The following ATM variants were observed in gnomAD, a reference collection of about 807,000 sequenced individuals.
The protein encoded by ATM is serine-protein kinase ATM.
Under a neutral mutation model 387.0 loss-of-function variants are expected in ATM, and 308 were observed. That is an observed-to-expected ratio of 0.80 (90% CI 0.73 to 0.87). The LOEUF (loss-of-function observed/expected upper bound fraction) is 0.87. Ranked by LOEUF, ATM falls within the 40% of genes least tolerant of loss-of-function variation. ATM has a pLI of 0.00. For synonymous variants in ATM, 1,156 were observed against 1,187.3 expected (o/e 0.97, Z 0.54); for missense variants, 3,312 against 3,560.9 (o/e 0.93, Z 1.78).
rs1227866298 is a variant in ATM, at chr11:108,257,567, G to C, written c.2337G>C (p.Met779Ile). Residue 779 changes from methionine to isoleucine, a missense_variant, in exon 15 of 63, where the codon ATG becomes ATC. Around this residue, in one of 4 missense-constraint regions of ATM, gnomAD observed 1,791 missense variants for 1,804.5 expected, o/e 0.99. Coordinates refer to ENST00000675843, the MANE Select transcript of ATM (RefSeq NM_000051.4). ...TCAGAATTGGTTCCTTGAGAAATAT[G>C]ATGCAGCTATGTACACGTTGCTTGA... ...EEFRIGSLRN[M>I]MQLCTRCLSN... is the part of the protein sequence containing the mutation. The C allele has an allele frequency of 6.2e-7, 1 of 1,613,902 alleles. No individual in the cohort carries two copies. The highest frequency in any genetic ancestry group is 8.5e-7 in the Non-Finnish European group (1 of 1,180,030).
chr11:108,344,171 G>A (rs2087977638), intron 57 of ATM, among the ~76,000 whole-genome samples: 2 of 152,172 alleles, frequency 1.3e-5, no homozygotes, highest in South Asian at 4.1e-4. Context: ...TGCTATAGGT[G>A]TTGTGATGGA....
intron 4 of ATM, chr11:108,230,087 A>T (rs747779242): frequency 6.6e-6 from 1 of 152,044 alleles, no homozygotes; most frequent in Non-Finnish European, 1.5e-5. Flanking sequence ...ATATACTTTC[A>T]AGGCTTTCTT....
Position 108,348,967 on chromosome 11 carries a change from G to A in ATM, c.8671+1602G>A, listed in dbSNP as rs559081362. Among the ~76,000 whole-genome samples, 239 of 152,222 alleles carry A rather than the reference G, an allele frequency of 1.6e-3. 1 individual carries two copies. Among genetic ancestry groups the A allele is most frequent in the Non-Finnish European group, 2.6e-3 (176 of 67,994 alleles). ...TGCAACTCAGAATGTAGAAAAAGAA[G>A]TGTGAATGTAATGACGGAGATCCAG... On this transcript the variant is annotated intron_variant, in intron 59 of 62. Coordinates refer to ENST00000675843, the MANE Select transcript of ATM (RefSeq NM_000051.4).
intron 4 of ATM, among the ~76,000 whole-genome samples, chr11:108,234,072 A>G (rs2079151456): frequency 6.6e-6 from 1 of 152,210 alleles, no homozygotes; most frequent in African/African-American, 2.4e-5. Flanking sequence ...TCCTTTCCTT[A>G]AGGATCTAAT....
At chr11:108,271,030 A>G (rs1287166136) in intron 18 of ATM, 34 bp from the exon 19 acceptor site, 2 of 1,565,598 alleles carry the variant, frequency 1.3e-6, no homozygotes, top group Non-Finnish European at 1.8e-6. Flanking sequence ...TGATTTGTGG[A>G]TAAACCTGAT....
intron 53 of ATM, among the ~76,000 whole-genome samples, chr11:108,333,212 C>T (rs1001912149): frequency 2.0e-5 from 3 of 152,102 alleles, no homozygotes; most frequent in Non-Finnish European, 4.4e-5. Context: ...CTGAACATTT[C>T]TAGCCTCAAA....
chr11:108,329,801 A>T (rs1047518693), intron 49 of ATM, among the ~76,000 whole-genome samples: 4 of 152,170 alleles, frequency 2.6e-5, no homozygotes, highest in African/African-American at 9.7e-5. Context: ...TTCTAAGTTC[A>T]TTGTGGAGAA....
intron 17 of ATM, 37 bp from the exon 18 acceptor site, chr11:108,268,373 C>T (rs367589897): frequency 6.3e-7 from 1 of 1,590,626 alleles, no homozygotes; most frequent in African/African-American, 1.3e-5. Flanking sequence ...GCTGTTGTGC[C>T]CTTCTCTTAG....
rs2085314349 is a variant in ATM, at chr11:108,322,577, T to C, written c.6572+1157T>C. Among the ~76,000 whole-genome samples, 3 of 152,344 alleles carry C rather than the reference T, an allele frequency of 2.0e-5. No homozygotes were observed. In the South Asian group the frequency reaches 6.2e-4, roughly 32 times the overall value. ...GCTTCTTATAATGGTGAGAGGGAAA[T>C]GATCCAGGGATTTTGGAAGATGAAA... On this transcript the variant is annotated intron_variant, in intron 45 of 62. Transcript: ENST00000675843.
chr11:108,336,033 A>C lies in ATM; in HGVS notation c.8268+72A>C, dbSNP rs893209050. 1.1e-5 allele frequency: 13 copies of C among 1,169,512 alleles called. No homozygotes were observed. The highest frequency in any genetic ancestry group is 1.1e-4 in the African/African-American group (7 of 65,982). 72.4% of individuals were successfully genotyped at this position (1,169,512 alleles called of 1,614,324 possible). A position where few individuals can be genotyped will look rare whatever the true frequency, so the allele number is the denominator to read the frequency against. ...GCCATTTGGTTGGGTGAAGTGGCTCATGCCCATATTCATAATGCTTTGGGA... is the reference window on the plus strand; with the variant it reads ...GCCATTTGGTTGGGTGAAGTGGCTCCTGCCCATATTCATAATGCTTTGGGA... On this transcript the variant is annotated intron_variant, in intron 56 of 62. Transcript: ENST00000675843.
chr11:108,261,338 C>T (rs1300950814), intron 16 of ATM, among the ~76,000 whole-genome samples: 1 of 152,230 alleles, frequency 6.6e-6, no homozygotes, highest in Admixed American at 6.5e-5. Flanking sequence ...GACCCCCGAA[C>T]AGCCTAACTG....
At chr11:108,352,212 A>T (rs2089295127) in intron 59 of ATM, among the ~76,000 whole-genome samples, 1 of 152,252 alleles carries the variant, frequency 6.6e-6, no homozygotes, top group African/African-American at 2.4e-5. Flanking sequence ...TGTTGGAATT[A>T]TCTAAGATTT....
chr11:108,365,667 C>A lies in ATM; in HGVS notation c.*159C>A. On this transcript the variant is annotated 3_prime_UTR_variant, in exon 63 of 63. Transcript: ENST00000675843. The stretch of plus-strand genomic sequence containing the variant: ...TTTAATACTTGATTTAATCACCACT[C>A]AAAAATGTTTTGATGGTCTTAAGGA... 1 of 904,350 alleles carries A rather than the reference C, an allele frequency of 1.1e-6. No individual in the cohort carries two copies. Among genetic ancestry groups the A allele is most frequent in the Non-Finnish European group, 1.6e-6 (1 of 607,194 alleles). The allele number at this position is 904,350 out of a possible 1,614,324, so 56.0% of individuals were successfully genotyped here.
intron 33 of ATM, among the ~76,000 whole-genome samples, chr11:108,299,154 T>G (rs1029139620): frequency 3.9e-5 from 6 of 152,140 alleles, no homozygotes; most frequent in African/African-American, 1.4e-4. Context: ...GCCCTCTGGG[T>G]TGCTGAAAAT....
intron 4 of ATM, 146 bp from the exon 5 acceptor site, chr11:108,235,524 G>T: frequency 1.4e-6 from 1 of 695,680 alleles, no homozygotes; most frequent in Non-Finnish European, 2.4e-6. Flanking sequence ...AATTTTGCTT[G>T]GGGCCATAAT....
chr11:108,336,525 A>C (rs1418449877), intron 56 of ATM: 1 of 156,582 alleles, frequency 6.4e-6, no homozygotes, highest in Non-Finnish European at 1.4e-5. Context: ...TAACAGCTGC[A>C]TTGTGTGTAT....
Position 108,289,776 on chromosome 11 carries a change from A to T in ATM, c.4411A>T (p.Thr1471Ser), listed in dbSNP as rs2082684549. ...WAFVLRDVIY[T>S]LIHYINQRPS... ...CTTTGTTCTTCGAGACGTTATTTAT[A>T]CTTTGATTCACTATATCAACCAAAG... is the stretch of plus-strand genomic sequence containing the variant. Residue 1471 changes from threonine to serine, a missense_variant, in exon 29 of 63, where the codon ACT (threonine) becomes TCT (serine). Physicochemically the swap from Thr to Ser is moderately conservative, Grantham distance 58. Around this residue, in one of 4 missense-constraint regions of ATM, gnomAD observed 1,791 missense variants for 1,804.5 expected, o/e 0.99. Transcript: ENST00000675843. 1 of 1,613,180 alleles carries T rather than the reference A, an allele frequency of 6.2e-7. No homozygotes were observed. The highest frequency in any genetic ancestry group is 8.5e-7 in the Non-Finnish European group (1 of 1,179,862).
At chr11:108,268,837 T>C (rs1443274455) in intron 18 of ATM, among the ~76,000 whole-genome samples, 1 of 152,240 alleles carries the variant, frequency 6.6e-6, no homozygotes. Context: ...ATTTATTCTC[T>C]TTAGGTTTAA....
At chr11:108,267,875 C>A (rs1000703132) in intron 17 of ATM, among the ~76,000 whole-genome samples, 1 of 152,178 alleles carries the variant, frequency 6.6e-6, no homozygotes, top group Non-Finnish European at 1.5e-5. Context: ...GAAATAAAAT[C>A]ATATGATAGG....
Sources: allele counts gnomAD v4.1 joint callset (sites outside exome capture counted in the v4.1 genomes callset), GRCh38; gene constraint gnomAD v4.1.1; regional missense constraint gnomAD v4.1.1; transcripts MANE v1.5; gene names NCBI Gene and HGNC (gene_info 2026-07-23, HGNC 2026-07-21).